Variants in DLG2 observed in about 807,000 individuals in gnomAD.
DLG2 encodes disks large homolog 2.
A neutral mutation model predicts 132.5 loss-of-function variants in DLG2; 45 were observed. The ratio of observed to expected loss-of-function variants is 0.34; its 90% confidence interval spans 0.27 to 0.44. The LOEUF (loss-of-function observed/expected upper bound fraction) is 0.44, where lower values mean the gene tolerates loss of function less well. Ranked by LOEUF, DLG2 falls within the 20% of genes least tolerant of loss-of-function variation. The pLI is 1.00. For synonymous variants in DLG2, 424 were observed against 419.6 expected (o/e 1.01, Z -0.13); for missense variants, 1,045 against 1,196.9 (o/e 0.87, Z 1.87).
intron 18 of DLG2, among the ~76,000 whole-genome samples, chr11:83,702,972 A>G (rs1416412860): frequency 6.6e-6 from 1 of 152,250 alleles, no homozygotes; most frequent in African/African-American, 2.4e-5. Context: ...GTAAATGACA[A>G]TATAATGACG....
At chr11:84,913,987 A>T (rs928551433) in intron 6 of DLG2, among the ~76,000 whole-genome samples, 13 of 152,198 alleles carry the variant, frequency 8.5e-5, no homozygotes, top group Non-Finnish European at 1.6e-4. Context: ...GGCTCACTGT[A>T]AACTCCTTTG....
chr11:84,865,611 AAC>A (rs1367719700), intron 6 of DLG2, among the ~76,000 whole-genome samples: 25 of 152,230 alleles, frequency 1.6e-4, no homozygotes, highest in African/African-American at 4.6e-4. Context: ...TTTCAAAGGT[AAC>A]AGTTATTGAT....
chr11:85,261,838 AG>A (rs2076958619), intron 4 of DLG2, among the ~76,000 whole-genome samples: 1 of 152,126 alleles, frequency 6.6e-6, no homozygotes, highest in African/African-American at 2.4e-5. Context: ...GGCCCTTAAA[AG>A]TGACATCAAG....
At chr11:84,990,527 G>A (rs2056979686) in intron 6 of DLG2, among the ~76,000 whole-genome samples, 1 of 152,000 alleles carries the variant, frequency 6.6e-6, no homozygotes, top group Admixed American at 6.5e-5. Flanking sequence ...GGAATTCCCA[G>A]CTTCAAAACT....
intron 6 of DLG2, among the ~76,000 whole-genome samples, chr11:84,973,648 A>ATTATGAAAAAATAG (rs1341973289): frequency 5.3e-5 from 8 of 152,198 alleles, no homozygotes; most frequent in Non-Finnish European, 1.2e-4. Context: ...TCTAGCTTAG[A>ATTATGAAAAAATAG]TTATGAAAAA....
At chr11:84,372,058 A>T (rs1489486885) in intron 7 of DLG2, among the ~76,000 whole-genome samples, 2 of 152,216 alleles carry the variant, frequency 1.3e-5, no homozygotes, top group Non-Finnish European at 2.9e-5. Context: ...TGTGTAAAGT[A>T]TATTTACATT....
At chr11:83,906,251 TCTCTCTCACACACACACACACA>T (rs1213698134) in intron 15 of DLG2, among the ~76,000 whole-genome samples, 66 of 97,460 alleles carry the variant, frequency 6.8e-4, no homozygotes, top group African/African-American at 2.5e-3. Context: ...TCTCTCTCTC[TCTCTCTCACACACACACACACA>T]CACACACACA....
intron 11 of DLG2, among the ~76,000 whole-genome samples, chr11:84,031,018 G>A (rs995418121): frequency 5.9e-5 from 9 of 152,106 alleles, no homozygotes; most frequent in Non-Finnish European, 8.8e-5. Flanking sequence ...TTGTCAGCAG[G>A]AGGAGAGCTC....
At chr11:84,675,320 G>A (rs1341367099) in intron 6 of DLG2, among the ~76,000 whole-genome samples, 1 of 152,042 alleles carries the variant, frequency 6.6e-6, no homozygotes, top group African/African-American at 2.4e-5. Flanking sequence ...ATACAGCAGT[G>A]GCTCTAAGAA....
At chr11:84,259,849 C>G (rs1222959455) in intron 7 of DLG2, among the ~76,000 whole-genome samples, 1 of 152,082 alleles carries the variant, frequency 6.6e-6, no homozygotes, top group Non-Finnish European at 1.5e-5. Flanking sequence ...ATAGCAGGAC[C>G]AAGAGTCAGA....
At chr11:84,724,318 T>C (rs187651973) in intron 6 of DLG2, among the ~76,000 whole-genome samples, 12 of 152,322 alleles carry the variant, frequency 7.9e-5, no homozygotes, top group Admixed American at 5.9e-4. Flanking sequence ...AACCATTTTG[T>C]TCAGTTACCT....
intron 7 of DLG2, among the ~76,000 whole-genome samples, chr11:84,301,865 T>G (rs1192588887): frequency 1.3e-5 from 2 of 152,064 alleles, no homozygotes; most frequent in African/African-American, 4.8e-5. Flanking sequence ...CCCAAAGGAT[T>G]ATAGATCATT....
intron 15 of DLG2, among the ~76,000 whole-genome samples, chr11:83,875,629 T>C (rs1169580301): frequency 1.3e-5 from 2 of 152,200 alleles, no homozygotes; most frequent in African/African-American, 4.8e-5. Flanking sequence ...ACTGAATGTG[T>C]AATTTTAGTT....
intron 16 of DLG2, among the ~76,000 whole-genome samples, chr11:83,842,325 G>A (rs1445728246): frequency 6.6e-6 from 1 of 152,118 alleles, no homozygotes; most frequent in Non-Finnish European, 1.5e-5. Context: ...GCCAGGCTTG[G>A]TGGCTCACGC....
intron 7 of DLG2, among the ~76,000 whole-genome samples, chr11:84,506,621 G>A (rs1292059029): frequency 6.6e-6 from 1 of 152,158 alleles, no homozygotes; most frequent in African/African-American, 2.4e-5. Context: ...TTTTAGTCCA[G>A]TAAGGGCCAT....
intron 8 of DLG2, among the ~76,000 whole-genome samples, chr11:84,212,286 A>G (rs78755751): frequency 1.4e-4 from 22 of 152,362 alleles, no homozygotes; most frequent in African/African-American, 4.8e-4. Flanking sequence ...CACTAAAAGC[A>G]TAATGATTCT....
At chr11:83,834,655 T>C (rs975753062) in intron 16 of DLG2, among the ~76,000 whole-genome samples, 1 of 152,138 alleles carries the variant, frequency 6.6e-6, no homozygotes, top group African/African-American at 2.4e-5. Flanking sequence ...AATAGGAATA[T>C]GGGCCTTCAG....
chr11:83,567,603 A>C (rs2096729267), intron 19 of DLG2, among the ~76,000 whole-genome samples: 1 of 152,178 alleles, frequency 6.6e-6, no homozygotes, highest in East Asian at 1.9e-4. Context: ...TAATTTGATA[A>C]TTGTAATTCA....
chr11:85,433,789 A>T (rs891240090), intron 3 of DLG2, among the ~76,000 whole-genome samples: 1 of 152,190 alleles, frequency 6.6e-6, no homozygotes, highest in Admixed American at 6.5e-5. Flanking sequence ...GATGTTCAGG[A>T]CTTGAACTCA....
Sources: gnomAD v4.1 joint callset for allele counts (sites outside exome capture counted in the v4.1 genomes callset) on GRCh38, gnomAD v4.1.1 for gene constraint, MANE v1.5 for transcripts, NCBI Gene and HGNC (gene_info 2026-07-23, HGNC 2026-07-21) for gene names.